The following TMEM114 variants were observed in gnomAD, a reference collection of about 807,000 sequenced individuals.
The protein encoded by TMEM114 is claudin-26.
Under a neutral mutation model 6.2 loss-of-function variants are expected in TMEM114, and 6 were observed. The ratio of observed to expected loss-of-function variants is 0.97; its 90% CI spans 0.53 to 1.91. The LOEUF is 1.91. Among genes scored for constraint, TMEM114 ranks in the 40% most tolerant of loss-of-function variants. TMEM114 has a pLI of 0.01. For missense variants in TMEM114, 218 were observed against 158.3 expected (o/e 1.38, Z -2.02); for synonymous variants, 104 against 73.0 (o/e 1.42, Z -2.16).
chr16:8,535,689 C>T (rs115394806), downstream of TMEM114, among the ~76,000 whole-genome samples: 28 of 152,254 alleles, frequency 1.8e-4, 1 homozygote, highest in South Asian at 5.2e-3. Context: ...AATCCTTCGT[C>T]GTGGGAACGT....
downstream of TMEM114, among the ~76,000 whole-genome samples, chr16:8,567,852 T>G (rs1016054052): frequency 1.3e-5 from 2 of 152,190 alleles, no homozygotes; most frequent in Admixed American, 1.3e-4. Context: ...GGTAGCATGG[T>G]TGCCCTCACT....
chr16:8,542,967 G>A (rs2141650880), intron 2 of TMEM114, among the ~76,000 whole-genome samples: 1 of 152,270 alleles, frequency 6.6e-6, no homozygotes, highest in South Asian at 2.1e-4. Context: ...TACCCTACAA[G>A]CAACATGAAA....
chr16:8,573,696 C>T (rs1374446614), intron 2 of TMEM114, among the ~76,000 whole-genome samples: 1 of 152,142 alleles, frequency 6.6e-6, no homozygotes, highest in African/African-American at 2.4e-5. Flanking sequence ...ACTTTCCTAT[C>T]CTTCAGTGCA....
At chr16:8,541,029 A>G (rs1900501343) in intron 2 of TMEM114, among the ~76,000 whole-genome samples, 1 of 151,944 alleles carries the variant, frequency 6.6e-6, no homozygotes, top group African/African-American at 2.4e-5. Flanking sequence ...GGGAGTGTAG[A>G]GTGAGGTGAG....
chr16:8,590,265 C>G lies in TMEM114; in HGVS notation c.-427G>C, dbSNP rs894138660. 3.8e-4 allele frequency: 64 copies of G among 170,476 alleles called. No individual in the cohort carries two copies. Among genetic ancestry groups the G allele is most frequent in the African/African-American group, 1.3e-3 (54 of 42,264 alleles). 10.6% of individuals were successfully genotyped at this position (170,476 alleles called of 1,614,324 possible). On this transcript the variant is annotated 5_prime_UTR_variant, in exon 1 of 4. Coordinates refer to ENST00000620492, the MANE Select transcript of TMEM114 (RefSeq NM_001146336.2). ...AAGCGGACTCTCTCACTTCAAAATC[C>G]TCACTTTCCCCAGACTCCTACTCCC...
At chr16:8,531,544 G>A in the TMEM114 span, among the ~76,000 whole-genome samples, 10 of 152,300 alleles carry the variant, frequency 6.6e-5, no homozygotes, top group Non-Finnish European at 1.3e-4. Context: ...GATAGCAGAG[G>A]TAGAAGGGCC....
At chr16:8,527,350 T>G in the TMEM114 span, among the ~76,000 whole-genome samples, 1 of 152,194 alleles carries the variant, frequency 6.6e-6, no homozygotes, top group Admixed American at 6.5e-5. Flanking sequence ...AGCTTTGGTG[T>G]CAGGGACACC....
chr16:8,559,549 G>A (rs575655826), intron 2 of TMEM114, among the ~76,000 whole-genome samples: 3 of 152,346 alleles, frequency 2.0e-5, no homozygotes, highest in Admixed American at 1.3e-4. Context: ...GAACAAAGGT[G>A]GAAGCGGATA....
At chr16:8,565,176 T>C (rs1219120031), downstream of TMEM114, among the ~76,000 whole-genome samples, 2 of 152,072 alleles carry the variant, frequency 1.3e-5, no homozygotes, top group African/African-American at 4.8e-5. Context: ...CATGGATGGA[T>C]GAGTGAATTG....
chr16:8,549,308 T>G (rs1161668245), intron 2 of TMEM114, among the ~76,000 whole-genome samples: 1 of 151,492 alleles, frequency 6.6e-6, no homozygotes, highest in Non-Finnish European at 1.5e-5. Flanking sequence ...GAGACCAGCC[T>G]GGCCAACATG....
intron 2 of TMEM114, among the ~76,000 whole-genome samples, chr16:8,539,357 C>G (rs917024919): frequency 3.3e-5 from 5 of 152,122 alleles, no homozygotes; most frequent in African/African-American, 1.2e-4. Context: ...AGAATCCCAA[C>G]CCAAGACCCA....
the TMEM114 span, among the ~76,000 whole-genome samples, chr16:8,531,692 T>C: frequency 3.9e-5 from 6 of 152,232 alleles, no homozygotes; most frequent in Non-Finnish European, 7.3e-5. Flanking sequence ...CAGTGTAACA[T>C]TCAAAGTAAC....
rs75421680 is a variant in TMEM114, at chr16:8,584,367, T to C, written c.301+4846A>G. On this transcript the variant is annotated intron_variant, in intron 2 of 3. Coordinates refer to ENST00000620492, the MANE Select transcript of TMEM114 (RefSeq NM_001146336.2). ...CTGTGCTGAATTTGAAGACCTCCTTTCCACCAAAAATAATTCCAGTCCCTA... is the reference window on the plus strand; with the variant it reads ...CTGTGCTGAATTTGAAGACCTCCTTCCCACCAAAAATAATTCCAGTCCCTA... Among the ~76,000 whole-genome samples the C allele has an allele frequency of 4.1e-3, 631 of 152,282 alleles. 1 individual carries two copies. Among genetic ancestry groups the C allele is most frequent in the Non-Finnish European group, 6.0e-3 (405 of 68,024 alleles).
At chr16:8,557,539 C>G (rs775168829) in intron 2 of TMEM114, among the ~76,000 whole-genome samples, 15 of 152,310 alleles carry the variant, frequency 9.8e-5, no homozygotes, top group East Asian at 5.8e-4. Context: ...AGACCACAAG[C>G]AATATACAAG....
Position 8,576,704 on chromosome 16 carries a change from CAGGAAGGAAGGAAGGAAGGAAGGA to C in TMEM114, c.302-4504_302-4481del, listed in dbSNP as rs71396282. On this transcript the variant is annotated intron_variant, in intron 2 of 3. Coordinates refer to ENST00000620492, the MANE Select transcript of TMEM114 (RefSeq NM_001146336.2). The stretch of plus-strand genomic sequence containing the variant: ...GGATGGCTGAGTTAATGAATGAGAG[CAGGAAGGAAGGAAGGAAGGAAGGA>C]AGGAAGGAAGGAAGGAAGGAAGGAA... Among the ~76,000 whole-genome samples, 318 of 129,428 alleles carry C rather than the reference CAGGAAGGAAGGAAGGAAGGAAGGA, an allele frequency of 2.5e-3. 2 individuals are homozygous for C. Among genetic ancestry groups the C allele is most frequent in the African/African-American group, 5.6e-3 (190 of 33,814 alleles). 84.9% of individuals were successfully genotyped at this position (129,428 alleles called of 152,430 possible). A position where few individuals can be genotyped will look rare whatever the true frequency, so the allele number is the denominator to read the frequency against.
intron 2 of TMEM114, among the ~76,000 whole-genome samples, chr16:8,555,899 T>C (rs1373334163): frequency 6.6e-6 from 1 of 152,188 alleles, no homozygotes; most frequent in Non-Finnish European, 1.5e-5. Context: ...GAAAGCCTGG[T>C]TGGCCTCACC....
At chr16:8,546,270 G>C (rs1256486655) in intron 2 of TMEM114, among the ~76,000 whole-genome samples, 3 of 152,142 alleles carry the variant, frequency 2.0e-5, no homozygotes, top group Non-Finnish European at 4.4e-5. Context: ...ATTTCAAACT[G>C]GTAAGTAAAT....
chr16:8,528,517 A>C, the TMEM114 span, among the ~76,000 whole-genome samples: 1 of 152,164 alleles, frequency 6.6e-6, no homozygotes, highest in Non-Finnish European at 1.5e-5. Context: ...CCTGGAAGCC[A>C]GAGTTGAGGA....
intron 2 of TMEM114, among the ~76,000 whole-genome samples, chr16:8,538,335 CA>C (rs1284913516): frequency 6.6e-6 from 1 of 151,298 alleles, no homozygotes; most frequent in African/African-American, 2.4e-5. Flanking sequence ...GAGGGGAAGC[CA>C]AAGAATTGAT....
Sources: allele counts gnomAD v4.1 joint callset (sites outside exome capture counted in the v4.1 genomes callset), GRCh38; gene constraint gnomAD v4.1.1; transcripts MANE v1.5; gene names NCBI Gene and HGNC (gene_info 2026-07-23, HGNC 2026-07-21).